Variants in AGBL4 observed in about 807,000 individuals in gnomAD.
AGBL4 encodes the protein cytosolic carboxypeptidase 6.
AGBL4 carries 58 observed loss-of-function variants against 66.4 expected under a neutral mutation model. The observed-to-expected ratio is 0.87, with a 90% confidence interval of 0.71 to 1.09. AGBL4 has a LOEUF of 1.09. Among genes scored for constraint, AGBL4 ranks in the 50% least tolerant of loss-of-function variants. AGBL4 has a pLI of 0.00. For missense variants in AGBL4, 579 were observed against 631.0 expected (o/e 0.92, Z 0.88); for synonymous variants, 234 against 222.9 (o/e 1.05, Z -0.44).
intron 3 of AGBL4, chr1:49,374,473 A>C (rs1308584918): frequency 6.6e-6 from 1 of 152,122 alleles, no homozygotes; most frequent in South Asian, 2.1e-4. Context: ...AAATGCTCCT[A>C]GACTTGCTTC....
chr1:48,588,552 A>G (rs1159073870), intron 10 of AGBL4, among the ~76,000 whole-genome samples: 1 of 152,172 alleles, frequency 6.6e-6, no homozygotes, highest in African/African-American at 2.4e-5. Flanking sequence ...GGTTTTAATA[A>G]GAGAATACAT....
chr1:49,088,409 A>G (rs760944699), intron 4 of AGBL4, among the ~76,000 whole-genome samples: 1 of 152,188 alleles, frequency 6.6e-6, no homozygotes, highest in Non-Finnish European at 1.5e-5. Context: ...AAATCTATCA[A>G]GCAAACAGAA....
At chr1:48,743,020 G>T (rs181782503) in intron 6 of AGBL4, among the ~76,000 whole-genome samples, 3 of 152,284 alleles carry the variant, frequency 2.0e-5, no homozygotes, top group African/African-American at 7.2e-5. Context: ...ACTCTTCCAG[G>T]GTGTCATTGT....
At position 49,258,851 on chromosome 1, in the gene AGBL4, T is replaced by C. The variant is rs185461139; in HGVS notation, c.283-12987A>G. On this transcript the variant is annotated intron_variant, in intron 3 of 13. Coordinates refer to ENST00000371839, the MANE Select transcript of AGBL4 (RefSeq NM_032785.4). ...AGAAGAGCAACTCCAAGACACATAATTGTCAGATTCACCAAAGTTGCAATG... is the reference window on the plus strand; with the variant it reads ...AGAAGAGCAACTCCAAGACACATAACTGTCAGATTCACCAAAGTTGCAATG... 3.9e-5 allele frequency among the ~76,000 whole-genome samples: 6 copies of C among 152,178 alleles called. No individual in the cohort carries two copies. In the East Asian group the frequency reaches 1.2e-3, roughly 29 times the overall value.
intron 1 of AGBL4, among the ~76,000 whole-genome samples, chr1:49,931,199 A>T (rs941994113): frequency 6.6e-6 from 1 of 152,222 alleles, no homozygotes; most frequent in Middle Eastern, 3.2e-3. Flanking sequence ...GAACAAAGAC[A>T]TACACTATCT....
Position 49,427,652 on chromosome 1 carries a change from C to T in AGBL4, c.283-181788G>A, listed in dbSNP as rs117424084. Among the ~76,000 whole-genome samples the T allele has an allele frequency of 2.8e-3, 429 of 152,276 alleles. 11 individuals are homozygous for T. The East Asian group carries it at 0.074, about 26-fold the overall frequency. ...TTGACTTCAGGAGTGAAGTCACAGA[C>T]CTTCGCAGTGAATGTTACAGCTCAT... On this transcript the variant is annotated intron_variant, in intron 3 of 13. Coordinates refer to ENST00000371839, the MANE Select transcript of AGBL4 (RefSeq NM_032785.4).
chr1:49,898,898 T>G (rs1451280978), intron 1 of AGBL4, among the ~76,000 whole-genome samples: 2 of 152,154 alleles, frequency 1.3e-5, no homozygotes, highest in African/African-American at 4.8e-5. Context: ...TCTCATTTTT[T>G]GTGTGTGGGA....
At chr1:50,019,195 G>A (rs2148449768) in intron 1 of AGBL4, among the ~76,000 whole-genome samples, 1 of 150,346 alleles carries the variant, frequency 6.7e-6, no homozygotes, top group South Asian at 2.1e-4. Context: ...GCCAGATAAG[G>A]GACTGCAGAC....
At chr1:49,813,907 A>T (rs577731846) in intron 2 of AGBL4, among the ~76,000 whole-genome samples, 5 of 152,240 alleles carry the variant, frequency 3.3e-5, no homozygotes, top group Admixed American at 2.0e-4. Flanking sequence ...GTGGGAGGTA[A>T]CTGAATCATG....
chr1:49,442,706 G>T (rs1646062237), intron 3 of AGBL4, among the ~76,000 whole-genome samples: 1 of 152,162 alleles, frequency 6.6e-6, no homozygotes, highest in African/African-American at 2.4e-5. Flanking sequence ...AAATAGTGCT[G>T]CAATAAACAT....
At chr1:48,749,979 AG>A (rs1651418034) in intron 6 of AGBL4, among the ~76,000 whole-genome samples, 1 of 152,160 alleles carries the variant, frequency 6.6e-6, no homozygotes, top group Non-Finnish European at 1.5e-5. Context: ...CAGTTTCCTG[AG>A]GGACCACTGT....
At chr1:49,377,961 T>C (rs1387136648) in intron 3 of AGBL4, among the ~76,000 whole-genome samples, 1 of 151,818 alleles carries the variant, frequency 6.6e-6, no homozygotes, top group East Asian at 1.9e-4. Context: ...TATGTACATC[T>C]TACATGCCTT....
intron 2 of AGBL4, among the ~76,000 whole-genome samples, chr1:49,765,868 A>G (rs1398642892): frequency 6.6e-6 from 1 of 152,098 alleles, no homozygotes; most frequent in Non-Finnish European, 1.5e-5. Context: ...AGTCTTTTAA[A>G]CCAACCCAGA....
chr1:49,561,885 T>C (rs1261008303), intron 3 of AGBL4, among the ~76,000 whole-genome samples: 1 of 152,104 alleles, frequency 6.6e-6, no homozygotes, highest in African/African-American at 2.4e-5. Context: ...ATTGCCACAC[T>C]GACTTCCACA....
At chr1:49,215,389 A>G (rs1382083108) in intron 4 of AGBL4, among the ~76,000 whole-genome samples, 1 of 152,104 alleles carries the variant, frequency 6.6e-6, no homozygotes, top group African/African-American at 2.4e-5. Flanking sequence ...ATATCAGATG[A>G]TCACTCCTCA....
intron 1 of AGBL4, among the ~76,000 whole-genome samples, chr1:49,901,077 T>G (rs772069940): frequency 6.6e-6 from 1 of 152,182 alleles, no homozygotes; most frequent in Non-Finnish European, 1.5e-5. Context: ...ATGTTTGAAT[T>G]TTCTTCTTTT....
chr1:49,492,464 A>T (rs1647211037), intron 3 of AGBL4, among the ~76,000 whole-genome samples: 1 of 151,984 alleles, frequency 6.6e-6, no homozygotes, highest in Non-Finnish European at 1.5e-5. Flanking sequence ...GAAACTGTGA[A>T]AAGCAAAACT....
In AGBL4 at chr1:49,185,772, T is replaced by C. The variant is rs576155985; in HGVS notation, c.377+59998A>G. ...CTGCCTAGTTCCCCGCCCTCGCATC[T>C]CTTTTCTTCCCAGAACTGGTGGTCC... On this transcript the variant is annotated intron_variant, in intron 4 of 13. Transcript: ENST00000371839. Among the ~76,000 whole-genome samples, 345 of 152,260 alleles carry C rather than the reference T, an allele frequency of 2.3e-3. 1 individual carries two copies. The highest frequency in any genetic ancestry group is 3.9e-3 in the South Asian group (19 of 4,832).
chr1:49,382,501 G>C (rs1644641490), intron 3 of AGBL4, among the ~76,000 whole-genome samples: 1 of 151,904 alleles, frequency 6.6e-6, no homozygotes, highest in South Asian at 2.1e-4. Flanking sequence ...ACTGGGAATA[G>C]AAGGAAGTTA....
Sources: gnomAD v4.1 joint callset for allele counts (sites outside exome capture counted in the v4.1 genomes callset) on GRCh38, gnomAD v4.1.1 for gene constraint, MANE v1.5 for transcripts, NCBI Gene and HGNC (gene_info 2026-07-23, HGNC 2026-07-21) for gene names.